Variants in OLFM3 observed in about 807,000 individuals in gnomAD.
The protein encoded by OLFM3 is olfactomedin 3.
A neutral mutation model predicts 48.6 loss-of-function variants in OLFM3; 20 were observed. That is an observed-to-expected ratio of 0.41 (90% CI 0.29 to 0.60). OLFM3 has a LOEUF of 0.60. Among genes scored for constraint, OLFM3 ranks in the 20% least tolerant of loss-of-function variants. The pLI, the probability that OLFM3 is intolerant of heterozygous loss-of-function variation, is 0.28. For synonymous variants in OLFM3, 222 were observed against 198.1 expected, an observed-to-expected ratio of 1.12 and a Z score of -1.01; for missense variants, 437 against 544.3, an observed-to-expected ratio of 0.80 and a Z score of 1.96.
intron 1 of OLFM3, among the ~76,000 whole-genome samples, chr1:101,847,411 A>C (rs1656050929): frequency 6.6e-6 from 1 of 152,140 alleles, no homozygotes; most frequent in South Asian, 2.1e-4. Context: ...TGCACATTTC[A>C]AACACCAAAC....
chr1:101,907,484 C>T (rs1001981045), intron 1 of OLFM3, among the ~76,000 whole-genome samples: 13 of 152,190 alleles, frequency 8.5e-5, no homozygotes, highest in African/African-American at 3.1e-4. Context: ...ATAACCAGGA[C>T]ACTCTGACTT....
chr1:101,859,226 T>A (rs1656550686), intron 1 of OLFM3, among the ~76,000 whole-genome samples: 3 of 152,076 alleles, frequency 2.0e-5, no homozygotes. Flanking sequence ...TACCACTATG[T>A]CTTTATGGAG....
intron 1 of OLFM3, among the ~76,000 whole-genome samples, chr1:101,972,402 T>A (rs1442650694): frequency 6.6e-6 from 1 of 152,210 alleles, no homozygotes; most frequent in Non-Finnish European, 1.5e-5. Flanking sequence ...TAAAAATGCA[T>A]CCCTTTCTAC....
chr1:101,806,504 T>C (rs1436222116), intron 4 of OLFM3, among the ~76,000 whole-genome samples: 1 of 151,754 alleles, frequency 6.6e-6, no homozygotes. Flanking sequence ...AAGTAAAAAG[T>C]TAGACAAATG....
At chr1:101,995,886 G>A (rs1252491348) in intron 1 of OLFM3, among the ~76,000 whole-genome samples, 1 of 152,034 alleles carries the variant, frequency 6.6e-6, no homozygotes, top group Non-Finnish European at 1.5e-5. Context: ...CTTATTCCCT[G>A]TCATTATGAT....
chr1:101,833,247 C>T (rs1452494412), intron 2 of OLFM3, among the ~76,000 whole-genome samples: 1 of 152,200 alleles, frequency 6.6e-6, no homozygotes, highest in Non-Finnish European at 1.5e-5. Flanking sequence ...TTTGCTAAGG[C>T]TTGATGGTGA....
intron 1 of OLFM3, among the ~76,000 whole-genome samples, chr1:101,864,445 C>T (rs1247585148): frequency 1.3e-5 from 2 of 152,122 alleles, no homozygotes; most frequent in Admixed American, 1.3e-4. Context: ...TAATCTTCAA[C>T]TTGAAAGTTA....
chr1:101,901,444 A>T (rs927376452), intron 1 of OLFM3, among the ~76,000 whole-genome samples: 8 of 152,096 alleles, frequency 5.3e-5, no homozygotes, highest in African/African-American at 1.9e-4. Context: ...ATGGGTATAG[A>T]GATTTAGAGC....
chr1:101,905,170 T>C (rs1054600049), intron 1 of OLFM3, among the ~76,000 whole-genome samples: 2 of 152,166 alleles, frequency 1.3e-5, no homozygotes, highest in Non-Finnish European at 2.9e-5. Flanking sequence ...TACTTCTGTG[T>C]ACATTCTTGG....
Position 101,825,103 on chromosome 1 carries a change from C to T in OLFM3, c.515G>A (p.Gly172Asp), listed in dbSNP as rs755574397. 1.2e-6 allele frequency: 2 copies of T among 1,613,998 alleles called. No homozygotes were observed. The highest frequency in any genetic ancestry group is 2.7e-5 in the African/African-American group (2 of 74,928). The change falls in exon 4 of 6, where the codon GGT becomes GAT. Residue 172 changes from glycine (G) to aspartate (D), a missense_variant. Physicochemically the swap from Gly to Asp is moderately conservative, Grantham distance 94. This residue lies in a region of OLFM3 where 314 missense variants were observed against 365.5 expected (regional missense o/e 0.86). Transcript: ENST00000370103. ...GTGTAGTTCCTCGTAGTCATAGGCA[C>T]CAATTTCCTCCTGAATACCAGTGAG... ...AVLTGIQEEIGAYDYEELHQR... is the reference protein window; with the variant it reads ...AVLTGIQEEIDAYDYEELHQR...
chr1:101,887,254 A>G (rs1395896169), intron 1 of OLFM3, among the ~76,000 whole-genome samples: 2 of 151,946 alleles, frequency 1.3e-5, no homozygotes, highest in East Asian at 3.9e-4. Flanking sequence ...TGTGGCAGAA[A>G]GCATAATAAA....
At chr1:101,808,821 G>C (rs1653908995) in intron 4 of OLFM3, among the ~76,000 whole-genome samples, 1 of 151,740 alleles carries the variant, frequency 6.6e-6, no homozygotes, top group African/African-American at 2.4e-5. Context: ...TTTTCAAAAA[G>C]TTTGTAAGAA....
At chr1:101,963,253 C>T (rs922096827) in intron 1 of OLFM3, among the ~76,000 whole-genome samples, 4 of 152,100 alleles carry the variant, frequency 2.6e-5, no homozygotes, top group African/African-American at 7.2e-5. Context: ...CTGACAAACT[C>T]GAGGAGTACA....
chr1:101,887,491 A>G (rs1418958269), intron 1 of OLFM3, among the ~76,000 whole-genome samples: 1 of 152,002 alleles, frequency 6.6e-6, no homozygotes, highest in Non-Finnish European at 1.5e-5. Context: ...ATTCTCCTTA[A>G]GAGAATTTTT....
intron 1 of OLFM3, among the ~76,000 whole-genome samples, chr1:101,934,984 G>T (rs1483783950): frequency 2.0e-5 from 3 of 151,956 alleles, no homozygotes; most frequent in Non-Finnish European, 2.9e-5. Flanking sequence ...AAGAGGGGGA[G>T]TTTATGGCAT....
intron 1 of OLFM3, among the ~76,000 whole-genome samples, chr1:101,995,329 G>A (rs1214212365): frequency 6.6e-6 from 1 of 151,958 alleles, no homozygotes; most frequent in Non-Finnish European, 1.5e-5. Context: ...TCACTACAGG[G>A]TGCAGAGTCA....
chr1:101,939,037 T>C (rs1659707528), intron 1 of OLFM3, among the ~76,000 whole-genome samples: 1 of 152,132 alleles, frequency 6.6e-6, no homozygotes, highest in East Asian at 1.9e-4. Flanking sequence ...TGCTAATGTG[T>C]AATGTAGGTC....
At chr1:101,809,553 C>T (rs1314535049) in intron 4 of OLFM3, among the ~76,000 whole-genome samples, 1 of 151,876 alleles carries the variant, frequency 6.6e-6, no homozygotes, top group Non-Finnish European at 1.5e-5. Flanking sequence ...GCAGTGAGTA[C>T]ACCAAGACAG....
intron 1 of OLFM3, among the ~76,000 whole-genome samples, chr1:101,973,016 T>TA (rs1426316090): frequency 2.6e-5 from 4 of 152,214 alleles, no homozygotes; most frequent in Admixed American, 2.0e-4. Flanking sequence ...TAAATGACTC[T>TA]AAAAAAATAG....
Sources: gnomAD v4.1 joint callset for allele counts (sites outside exome capture counted in the v4.1 genomes callset) on GRCh38, gnomAD v4.1.1 for gene constraint, gnomAD v4.1.1 regional missense constraint, MANE v1.5 for transcripts, NCBI Gene and HGNC (gene_info 2026-07-23, HGNC 2026-07-21) for gene names.